RGL1: variants seen among roughly 807,000 people sequenced by gnomAD.
The protein encoded by RGL1 is ral guanine nucleotide dissociation stimulator like 1.
Under a neutral mutation model 95.2 loss-of-function variants are expected in RGL1, and 24 were observed. That is an observed-to-expected ratio of 0.25 (90% CI 0.18 to 0.35). RGL1 has a LOEUF of 0.35. RGL1 is among the 10% of genes least tolerant of loss of function. The probability of loss-of-function intolerance (pLI) is 1.00; values close to 1 mark genes in which losing one functional copy is unlikely to be tolerated. For synonymous variants in RGL1, 329 were observed against 344.9 expected, an observed-to-expected ratio of 0.95 and a Z score of 0.51; for missense variants, 715 against 936.3, an observed-to-expected ratio of 0.76 and a Z score of 3.08.
At chr1:183,711,021 G>T (rs1655230558) in intron 1 of RGL1, among the ~76,000 whole-genome samples, 1 of 152,130 alleles carries the variant, frequency 6.6e-6, no homozygotes, top group Non-Finnish European at 1.5e-5. Context: ...CCTCTCACTT[G>T]GGATGTCTCT....
chr1:183,885,007 A>G, intron 7 of RGL1, 69 bp downstream of exon 7: 15 of 1,358,544 alleles, frequency 1.1e-5, no homozygotes, highest in Non-Finnish European at 1.3e-5. Context: ...ACTTCGTTTA[A>G]ATGGTTTAGC....
chr1:183,900,322 T>A, intron 11 of RGL1, 86 bp downstream of exon 11: 1 of 1,071,072 alleles, frequency 9.3e-7, no homozygotes, highest in Non-Finnish European at 1.4e-6. Flanking sequence ...TAGTATCTTT[T>A]GAAGGTCCAA....
chr1:183,670,006 C>A (rs1333343815), intron 1 of RGL1, among the ~76,000 whole-genome samples: 1 of 152,144 alleles, frequency 6.6e-6, no homozygotes, highest in Admixed American at 6.5e-5. Flanking sequence ...AGCTACAATT[C>A]AAGGTGAGAT....
intron 2 of RGL1, among the ~76,000 whole-genome samples, chr1:183,748,394 CTTTTTTTTTT>C (rs56920504): frequency 2.0e-4 from 14 of 69,718 alleles, no homozygotes; most frequent in South Asian, 6.6e-4. Context: ...TTCTCTAGTT[CTTTTTTTTTT>C]TTTTTTTTTT....
chr1:183,898,813 C>T (rs1392952443), intron 10 of RGL1, among the ~76,000 whole-genome samples: 1 of 152,124 alleles, frequency 6.6e-6, no homozygotes, highest in African/African-American at 2.4e-5. Flanking sequence ...AGGACAAAAC[C>T]CTCCTTGGTA....
chr1:183,803,501 G>A (rs1369284544), upstream of RGL1, among the ~76,000 whole-genome samples: 1 of 152,196 alleles, frequency 6.6e-6, no homozygotes, highest in Non-Finnish European at 1.5e-5. Flanking sequence ...ACACTAGGTG[G>A]CCAGCCAGGG....
chr1:183,670,967 T>G (rs1352888387), intron 1 of RGL1, among the ~76,000 whole-genome samples: 1 of 152,250 alleles, frequency 6.6e-6, no homozygotes, highest in Non-Finnish European at 1.5e-5. Flanking sequence ...GAAAGAGGTT[T>G]AATTGACTCT....
At chr1:183,768,331 T>TA (rs1271414410) in intron 2 of RGL1, among the ~76,000 whole-genome samples, 1 of 152,086 alleles carries the variant, frequency 6.6e-6, no homozygotes, top group Non-Finnish European at 1.5e-5. Context: ...TAACCTTTTT[T>TA]AAAAAACCGA....
At chr1:183,656,870 C>T (rs1342228520) in intron 1 of RGL1, among the ~76,000 whole-genome samples, 1 of 152,130 alleles carries the variant, frequency 6.6e-6, no homozygotes, top group Non-Finnish European at 1.5e-5. Flanking sequence ...GCACATCAAA[C>T]TTTCTTTTTA....
intron 2 of RGL1, among the ~76,000 whole-genome samples, chr1:183,755,883 CTTTTT>C (rs533584889): frequency 3.7e-5 from 5 of 136,432 alleles, no homozygotes; most frequent in Admixed American, 7.4e-5. Context: ...TGAGTTCATT[CTTTTT>C]TTTTTTTTTT....
intron 1 of RGL1, among the ~76,000 whole-genome samples, chr1:183,672,133 A>G (rs1308114687): frequency 1.3e-5 from 2 of 151,946 alleles, no homozygotes; most frequent in African/African-American, 4.8e-5. Flanking sequence ...GGGTTTCGCC[A>G]TGTTGGCCAG....
intron 2 of RGL1, among the ~76,000 whole-genome samples, chr1:183,833,842 G>A (rs374581160): frequency 7.2e-5 from 11 of 152,002 alleles, no homozygotes; most frequent in South Asian, 6.2e-4. Context: ...ATATCGATTC[G>A]GTTAATGGCC....
rs191455314 is a variant in RGL1 at position 183,869,192 on chromosome 1, T to A, written c.425+3119T>A. Among the ~76,000 whole-genome samples the A allele has an allele frequency of 2.5e-3, 384 of 152,286 alleles. 1 individual carries two copies. Among genetic ancestry groups the A allele is most frequent in the African/African-American group, 8.6e-3 (356 of 41,550 alleles). On this transcript the variant is annotated intron_variant, in intron 4 of 17. Coordinates refer to ENST00000360851, the MANE Select transcript of RGL1 (RefSeq NM_001297671.3). ...ATGAGGTGTTTTGAGATAAAATAGATTTTTTGGGAAGTAGCAGTTAAGAAA... is the reference window on the plus strand; with the variant it reads ...ATGAGGTGTTTTGAGATAAAATAGAATTTTTGGGAAGTAGCAGTTAAGAAA...
intron 9 of RGL1, among the ~76,000 whole-genome samples, chr1:183,893,715 T>C (rs1401082987): frequency 4.6e-5 from 7 of 152,222 alleles, no homozygotes; most frequent in Non-Finnish European, 8.8e-5. Flanking sequence ...CATTCTCAGG[T>C]CTGTGCTCCA....
intron 1 of RGL1, among the ~76,000 whole-genome samples, chr1:183,673,498 C>T (rs145479496): frequency 3.9e-5 from 6 of 152,248 alleles, no homozygotes; most frequent in South Asian, 2.1e-4. Context: ...TTGTTGATTC[C>T]GTATGTCTGT....
At chr1:183,716,682 AC>A (rs1489207850) in intron 1 of RGL1, among the ~76,000 whole-genome samples, 1 of 152,208 alleles carries the variant, frequency 6.6e-6, no homozygotes, top group Non-Finnish European at 1.5e-5. Context: ...TGTCCACTGT[AC>A]CCTGTATAAA....
chr1:183,917,124 A>G (rs966989361), intron 16 of RGL1, among the ~76,000 whole-genome samples: 3 of 152,206 alleles, frequency 2.0e-5, no homozygotes, highest in African/African-American at 7.2e-5. Flanking sequence ...ACACATTCTT[A>G]GCAGTGTACT....
intron 1 of RGL1, among the ~76,000 whole-genome samples, chr1:183,656,086 C>T (rs1662950154): frequency 6.6e-6 from 1 of 150,998 alleles, no homozygotes; most frequent in South Asian, 2.1e-4. Context: ...GATCCCAAAG[C>T]AGACCAAGTT....
At chr1:183,820,762 A>G (rs944644039) in intron 2 of RGL1, among the ~76,000 whole-genome samples, 15 of 152,238 alleles carry the variant, frequency 9.9e-5, no homozygotes, top group African/African-American at 1.2e-4. Flanking sequence ...GTAATTTCCT[A>G]TAGTGATCAC....
Sources: allele counts gnomAD v4.1 joint callset (sites outside exome capture counted in the v4.1 genomes callset), GRCh38; gene constraint gnomAD v4.1.1; transcripts MANE v1.5; gene names NCBI Gene and HGNC (gene_info 2026-07-23, HGNC 2026-07-21).